Variants in ZMYND11 observed in about 807,000 individuals in gnomAD.
ZMYND11 encodes the protein zinc finger MYND domain-containing protein 11.
A neutral mutation model predicts 84.9 loss-of-function variants in ZMYND11; 9 were observed. That is an observed-to-expected ratio of 0.11 (90% confidence interval 0.06 to 0.18). The LOEUF (loss-of-function observed/expected upper bound fraction) is 0.18, where lower values mean the gene tolerates loss of function less well. Among genes scored for constraint, ZMYND11 ranks in the 10% least tolerant of loss-of-function variants. The probability of loss-of-function intolerance (pLI) is 1.00; values close to 1 mark genes in which losing one functional copy is unlikely to be tolerated. For missense variants in ZMYND11, 409 were observed against 761.0 expected, an observed-to-expected ratio of 0.54 and a Z score of 5.44; for synonymous variants, 250 against 244.1, an observed-to-expected ratio of 1.02 and a Z score of -0.23.
intron 2 of ZMYND11, among the ~76,000 whole-genome samples, chr10:207,793 C>G (rs1944452372): frequency 6.6e-6 from 1 of 152,144 alleles, no homozygotes; most frequent in Non-Finnish European, 1.5e-5. Flanking sequence ...TTGGAAAAAA[C>G]TACTTTAAAG....
intron 2 of ZMYND11, among the ~76,000 whole-genome samples, chr10:188,593 A>T (rs1939426080): frequency 9.0e-5 from 1 of 11,066 alleles, no homozygotes; most frequent in South Asian, 6.4e-3. Flanking sequence ...CCCTGTCTCA[A>T]AAAAAAAAAA....
At chr10:214,290 A>G (rs1945785612) in intron 3 of ZMYND11, among the ~76,000 whole-genome samples, 2 of 152,198 alleles carry the variant, frequency 1.3e-5, no homozygotes, top group Admixed American at 1.3e-4. Context: ...TTGCTCAAAT[A>G]TTAGTCAAGC....
chr10:143,651 AT>A (rs1260395922), intron 1 of ZMYND11, among the ~76,000 whole-genome samples: 1 of 152,090 alleles, frequency 6.6e-6, no homozygotes, highest in African/African-American at 2.4e-5. Flanking sequence ...AGTCTACAGT[AT>A]TTTTTTCTAC....
chr10:239,289 T>G (rs1264896099), intron 6 of ZMYND11, 149 bp from the exon 7 acceptor site: 3 of 616,984 alleles, frequency 4.9e-6, no homozygotes, highest in South Asian at 2.5e-5. Context: ...GTTGTTGGCT[T>G]CTTTTACACA....
chr10:146,819 A>C (rs1838982455), intron 1 of ZMYND11, among the ~76,000 whole-genome samples: 1 of 152,200 alleles, frequency 6.6e-6, no homozygotes, highest in African/African-American at 2.4e-5. Context: ...CATCATAGTG[A>C]ATAAGTCTCA....
At chr10:232,148 A>C (rs1343403441) in intron 4 of ZMYND11, among the ~76,000 whole-genome samples, 3 of 152,244 alleles carry the variant, frequency 2.0e-5, no homozygotes, top group Non-Finnish European at 2.9e-5. Flanking sequence ...CTATCTGCTT[A>C]GTTTACTTCA....
At chr10:230,441 C>G (rs540220732) in intron 4 of ZMYND11, among the ~76,000 whole-genome samples, 1 of 142,496 alleles carries the variant, frequency 7.0e-6, no homozygotes, top group South Asian at 2.3e-4. Context: ...CCACTGCACT[C>G]CAGCCTGGGC....
At chr10:224,413 T>A (rs1266866550) in intron 4 of ZMYND11, among the ~76,000 whole-genome samples, 7 of 152,232 alleles carry the variant, frequency 4.6e-5, no homozygotes, top group African/African-American at 1.4e-4. Flanking sequence ...ATGGACACAG[T>A]AGATTATTAT....
At chr10:198,942 C>G (rs1942441204) in intron 2 of ZMYND11, among the ~76,000 whole-genome samples, 1 of 152,166 alleles carries the variant, frequency 6.6e-6, no homozygotes, top group East Asian at 1.9e-4. Context: ...GCACACCAAG[C>G]TCTTTCCAGG....
At chr10:138,489 G>T (rs1836694947) in intron 1 of ZMYND11, among the ~76,000 whole-genome samples, 1 of 152,116 alleles carries the variant, frequency 6.6e-6, no homozygotes, top group Admixed American at 6.5e-5. Context: ...CTCATCCTTC[G>T]GTAACCCTCT....
At chr10:198,413 G>C (rs963380008) in intron 2 of ZMYND11, among the ~76,000 whole-genome samples, 1 of 152,032 alleles carries the variant, frequency 6.6e-6, no homozygotes, top group Non-Finnish European at 1.5e-5. Context: ...TACCTTTACT[G>C]TTAACAAAAA....
chr10:164,022 A>G (rs994011139), intron 1 of ZMYND11, among the ~76,000 whole-genome samples: 1 of 152,146 alleles, frequency 6.6e-6, no homozygotes, highest in South Asian at 2.1e-4. Context: ...GGGAATGCCA[A>G]CTATTTTTGA....
intron 1 of ZMYND11, among the ~76,000 whole-genome samples, chr10:162,295 C>A (rs1403731586): frequency 6.6e-6 from 1 of 152,172 alleles, no homozygotes; most frequent in Non-Finnish European, 1.5e-5. Flanking sequence ...GATCACTGAT[C>A]ACAGATCACC....
chr10:225,057 A>AT (rs909364744), intron 4 of ZMYND11, among the ~76,000 whole-genome samples: 1 of 152,234 alleles, frequency 6.6e-6, no homozygotes, highest in African/African-American at 2.4e-5. Flanking sequence ...AGATTTTAAG[A>AT]TTTTGTTTAC....
rs1412092309 is a variant in ZMYND11 at position 221,323 on chromosome 10, C to G, written c.405C>G (p.Asp135Glu). ...TGTCTGATGAGTTCAGGCTTAGAGA[C>G]AGCAGTAGTCCCTGGCAGTGCCCAG... Reference protein sequence around the residue: ...KCLSDEFRLRDSSSPWQCPVC... With the variant: ...KCLSDEFRLRESSSPWQCPVC... The change falls in exon 4 of 15, where the codon GAC (aspartate) becomes GAG (glutamate). Residue 135 changes from aspartate (D) to glutamate (E), a missense_variant. Physicochemically the swap from Asp to Glu is conservative, Grantham distance 45. Around this residue, in one of 7 missense-constraint regions of ZMYND11, gnomAD observed 73 missense variants for 185.8 expected, o/e 0.39. Coordinates refer to ENST00000381604, the MANE Select transcript of ZMYND11 (RefSeq NM_001370100.5). 6.2e-7 allele frequency: 1 copy of G among 1,613,742 alleles called. No individual in the cohort carries two copies. The highest frequency in any genetic ancestry group is 8.5e-7 in the Non-Finnish European group (1 of 1,179,830).
At chr10:173,267 A>G (rs1382630813) in intron 1 of ZMYND11, among the ~76,000 whole-genome samples, 1 of 152,164 alleles carries the variant, frequency 6.6e-6, no homozygotes, top group Non-Finnish European at 1.5e-5. Context: ...AAAATTTAAT[A>G]CTTTTGTTCT....
chr10:236,619 A>T (rs559227758), intron 4 of ZMYND11, among the ~76,000 whole-genome samples: 50 of 152,348 alleles, frequency 3.3e-4, no homozygotes, highest in African/African-American at 1.1e-3. Context: ...AGGATATTAT[A>T]TCAGGTACAA....
chr10:204,225 G>C (rs1943743694), intron 2 of ZMYND11, among the ~76,000 whole-genome samples: 1 of 152,084 alleles, frequency 6.6e-6, no homozygotes, highest in South Asian at 2.1e-4. Context: ...GTCCTGCATT[G>C]ATTAATCAGT....
At chr10:168,167 G>A (rs1401430798) in intron 1 of ZMYND11, among the ~76,000 whole-genome samples, 4 of 151,966 alleles carry the variant, frequency 2.6e-5, no homozygotes, top group African/African-American at 9.7e-5. Context: ...TACTACATAT[G>A]CAATAATTGT....
Sources: gnomAD v4.1 joint callset for allele counts (sites outside exome capture counted in the v4.1 genomes callset) on GRCh38, gnomAD v4.1.1 for gene constraint, gnomAD v4.1.1 regional missense constraint, MANE v1.5 for transcripts, NCBI Gene and HGNC (gene_info 2026-07-23, HGNC 2026-07-21) for gene names.